The following TEX35 variants were observed in gnomAD, a reference collection of about 807,000 sequenced individuals.
TEX35 encodes testis expressed 35.
TEX35 carries 26 observed loss-of-function variants against 31.9 expected under a neutral mutation model. That is an observed-to-expected ratio of 0.81 (90% CI 0.60 to 1.13). TEX35 has a LOEUF of 1.13. TEX35 is among the 50% of genes most tolerant of loss of function. The probability of loss-of-function intolerance (pLI) is 0.00; values close to 1 mark genes in which losing one functional copy is unlikely to be tolerated. For missense variants in TEX35, 278 were observed against 273.5 expected (o/e 1.02, Z -0.12); for synonymous variants, 87 against 90.7 (o/e 0.96, Z 0.23).
rs12033480 is a variant in TEX35, at chr1:178,522,510, C to T, written c.*70C>T. The T allele has an allele frequency of 1.1e-5, 16 of 1,430,876 alleles. No homozygotes were observed. In the East Asian group the frequency reaches 3.9e-4, roughly 35 times the overall value. The allele number at this position is 1,430,876 out of a possible 1,614,324, so 88.6% of individuals were successfully genotyped here. A position where few individuals can be genotyped will look rare whatever the true frequency, so the allele number is the denominator to read the frequency against. ...AAACAGTGTTTCAGAAACTGTCCTGCCCTGGGTGTGATTCTTTGGCTTCAA... is the reference window on the plus strand; with the variant it reads ...AAACAGTGTTTCAGAAACTGTCCTGTCCTGGGTGTGATTCTTTGGCTTCAA... On this transcript the variant is annotated 3_prime_UTR_variant, in exon 9 of 9. Coordinates refer to ENST00000319416, the MANE Select transcript of TEX35 (RefSeq NM_032126.5).
intron 3 of TEX35, among the ~76,000 whole-genome samples, chr1:178,515,231 C>T (rs1650031586): frequency 6.6e-6 from 1 of 152,182 alleles, no homozygotes; most frequent in Non-Finnish European, 1.5e-5. Flanking sequence ...CCTCAGCCTC[C>T]CGAGTATCTG....
In TEX35 at chr1:178,520,738, C is replaced by G. The variant is rs1325373625; in HGVS notation, c.407C>G (p.Pro136Arg). 6.2e-7 allele frequency: 1 copy of G among 1,614,110 alleles called. No homozygotes were observed. Among genetic ancestry groups the G allele is most frequent in the Admixed American group, 1.7e-5 (1 of 60,016 alleles). Residue 136 changes from proline (P) to arginine (R), a missense_variant, in exon 7 of 9, where the codon CCA becomes CGA. Physicochemically the swap from Pro to Arg is moderately radical, Grantham distance 103 (BLOSUM62 -2). Transcript: ENST00000319416. ...CTGATGGGAAAGACTCACAGAGAACCACAGCTCAGGCCCAAGAAAATGGAT... is the reference window on the plus strand; with the variant it reads ...CTGATGGGAAAGACTCACAGAGAACGACAGCTCAGGCCCAAGAAAATGGAT... ...LRLMGKTHRE[P>R]QLRPKKMDGA... is the part of the protein sequence containing the mutation.
At chr1:178,516,968 G>GT (rs1444812227) in intron 5 of TEX35, among the ~76,000 whole-genome samples, 1 of 152,208 alleles carries the variant, frequency 6.6e-6, no homozygotes, top group Non-Finnish European at 1.5e-5. Flanking sequence ...CAAGAGCCCA[G>GT]TAAGATTCTT....
intron 3 of TEX35, among the ~76,000 whole-genome samples, chr1:178,515,425 A>G (rs371982406): frequency 8.6e-5 from 13 of 151,584 alleles, no homozygotes; most frequent in Admixed American, 5.9e-4. Context: ...TTTACAGATT[A>G]CAGATCACTT....
chr1:178,522,659 T>G (rs1650328854), downstream of TEX35: 3 of 1,251,516 alleles, frequency 2.4e-6, no homozygotes, highest in Non-Finnish European at 3.0e-6. Flanking sequence ...TCTTTTTTTT[T>G]GGAATTTTAT....
chr1:178,521,391 C>A, intron 8 of TEX35, 127 bp downstream of exon 8: 1 of 1,160,710 alleles, frequency 8.6e-7, no homozygotes, highest in Non-Finnish European at 1.3e-6. Flanking sequence ...GGACTGTTAG[C>A]AGATGCTGCC....
At chr1:178,522,008 C>A in intron 8 of TEX35, 1 of 730,868 alleles carries the variant, frequency 1.4e-6, no homozygotes, top group Non-Finnish European at 2.2e-6. Context: ...CTGCAAACGT[C>A]CCAGGTCATA....
At chr1:178,519,482 G>T (rs1193780641) in intron 5 of TEX35, among the ~76,000 whole-genome samples, 1 of 152,054 alleles carries the variant, frequency 6.6e-6, no homozygotes, top group East Asian at 1.9e-4. Context: ...GGACCTAGGG[G>T]ACATTGACTT....
chr1:178,521,275 T>G lies in TEX35; in HGVS notation c.586+11T>G. 1 of 1,614,164 alleles carries G rather than the reference T, an allele frequency of 6.2e-7. No homozygotes were observed. The highest frequency in any genetic ancestry group is 8.5e-7 in the Non-Finnish European group (1 of 1,180,000). On this transcript the variant is annotated intron_variant, in intron 8 of 8. Transcript: ENST00000319416. ...ACAACTACAATCGGGGTAGGTAGAT[T>G]CATACAAGATGTGCCTTTTCTCGAT...
chr1:178,520,678 T>C lies in TEX35; in HGVS notation c.347T>C (p.Leu116Pro). 6.2e-7 allele frequency: 1 copy of C among 1,613,498 alleles called. No homozygotes were observed. ...CCCTGGCCCTCCTCCCCCAGTCCCC[T>C]TAGAAGAGCACCAAAGGAGCAGCAG... is the stretch of plus-strand genomic sequence containing the variant. ...INTQKNYKLP[L>P]RRAPKEQQEL... The change falls in exon 7 of 9, where the codon CTT becomes CCT. Residue 116 changes from leucine (L) to proline (P), a missense_variant. Coordinates refer to ENST00000319416, the MANE Select transcript of TEX35 (RefSeq NM_032126.5).
intron 6 of TEX35, 106 bp from the exon 7 acceptor site, chr1:178,520,567 A>C (rs1167743332): frequency 1.3e-6 from 2 of 1,595,590 alleles, no homozygotes; most frequent in Non-Finnish European, 1.7e-6. Context: ...TGCCCCTGTG[A>C]CTTGGAGTCA....
At position 178,520,586 on chromosome 1, in the gene TEX35, C is replaced by T. The variant is rs536771287; in HGVS notation, c.342-87C>T. On this transcript the variant is annotated intron_variant, in intron 6 of 8. Transcript: ENST00000319416. ...CCTGTGACTTGGAGTCAAGGCCTTC[C>T]ATGGCCACCCGTGTACTGGTTATCT... 874 of 1,592,072 alleles carry T rather than the reference C, an allele frequency of 5.5e-4. 14 individuals are homozygous for T. In the South Asian group the frequency reaches 9.4e-3, roughly 17 times the overall value.
chr1:178,520,351 G>C (rs1650219609), intron 5 of TEX35, 21 bp from the exon 6 acceptor site: 2 of 1,610,540 alleles, frequency 1.2e-6, no homozygotes, highest in Non-Finnish European at 1.7e-6. Context: ...GAAGATGCTA[G>C]TTCTGAATTC....
intron 8 of TEX35, 50 bp from the exon 9 acceptor site, chr1:178,522,275 A>AC: frequency 6.6e-7 from 1 of 1,524,432 alleles, no homozygotes; most frequent in Non-Finnish European, 8.8e-7. Flanking sequence ...CTGGGGATCC[A>AC]CCCTTCTCAC....
downstream of TEX35, chr1:178,523,267 A>G (rs767978418): frequency 1.3e-5 from 9 of 700,572 alleles, no homozygotes; most frequent in African/African-American, 3.5e-5. Flanking sequence ...GAGAGTGCAG[A>G]TATCTCTTCA....
downstream of TEX35, among the ~76,000 whole-genome samples, chr1:178,523,025 TCC>T (rs1240060962): frequency 6.6e-6 from 1 of 152,176 alleles, no homozygotes; most frequent in East Asian, 1.9e-4. Context: ...CATTTTTAGA[TCC>T]CACAAATAAG....
At chr1:178,515,769 TC>T in intron 3 of TEX35, 89 bp from the exon 4 acceptor site, 1 of 1,017,180 alleles carries the variant, frequency 9.8e-7, no homozygotes, top group African/African-American at 1.6e-5. Flanking sequence ...TCTGACAGTG[TC>T]CCAGGATCTT....
intron 2 of TEX35, 56 bp from the exon 3 acceptor site, chr1:178,514,644 A>C: frequency 6.5e-7 from 1 of 1,546,158 alleles, no homozygotes; most frequent in South Asian, 1.1e-5. Context: ...CTGCCTCTGC[A>C]CTTCCACCGC....
chr1:178,522,000 G>A, intron 8 of TEX35: 2 of 755,912 alleles, frequency 2.6e-6, no homozygotes, highest in Non-Finnish European at 4.1e-6. Flanking sequence ...ACCTGGGTCT[G>A]CAAACGTCCC....
Sources: gnomAD v4.1 joint callset for allele counts (sites outside exome capture counted in the v4.1 genomes callset) on GRCh38, gnomAD v4.1.1 for gene constraint, MANE v1.5 for transcripts, NCBI Gene and HGNC (gene_info 2026-07-23, HGNC 2026-07-21) for gene names.